The following DGKB variants were observed in gnomAD, a reference collection of about 807,000 sequenced individuals.
DGKB encodes diacylglycerol kinase beta.
DGKB carries 67 observed loss-of-function variants against 114.3 expected under a neutral mutation model. The ratio of observed to expected loss-of-function variants is 0.59; its 90% CI spans 0.48 to 0.72. The LOEUF (loss-of-function observed/expected upper bound fraction) is 0.72, where lower values mean the gene tolerates loss of function less well. Among genes scored for constraint, DGKB ranks in the 30% least tolerant of loss-of-function variants. The pLI, the probability that DGKB is intolerant of heterozygous loss-of-function variation, is 0.00. For synonymous variants in DGKB, 398 were observed against 323.1 expected (o/e 1.23, Z -2.49); for missense variants, 907 against 975.2 (o/e 0.93, Z 0.93).
chr7:14,802,564 G>C (rs1297973706), intron 2 of DGKB, among the ~76,000 whole-genome samples: 1 of 152,030 alleles, frequency 6.6e-6, no homozygotes, highest in Non-Finnish European at 1.5e-5. Flanking sequence ...ATAAACCAAT[G>C]CTGAATTGAA....
rs563411686 is a variant in DGKB, at chr7:14,445,136, T to C, written c.1835+33025A>G. Among the ~76,000 whole-genome samples, 57 of 152,000 alleles carry C rather than the reference T, an allele frequency of 3.8e-4. 1 individual carries two copies. Among genetic ancestry groups the C allele is most frequent in the Non-Finnish European group, 7.2e-4 (49 of 67,812 alleles). On this transcript the variant is annotated intron_variant, in intron 21 of 25. Coordinates refer to ENST00000402815, the MANE Select transcript of DGKB (RefSeq NM_001350709.2). ...GAAAATAGTTGTAAAGACTTTCATC[T>C]TTTCTCTCTCTTGTTCCTTTATTCT...
At chr7:14,199,709 A>C (rs934866959) in intron 23 of DGKB, among the ~76,000 whole-genome samples, 4 of 152,090 alleles carry the variant, frequency 2.6e-5, no homozygotes, top group Non-Finnish European at 4.4e-5. Context: ...GTGGCAGTGC[A>C]CTATAATGAA....
rs769987966 is a variant in DGKB, at chr7:14,736,053, G to C, written c.310C>G (p.Leu104Val). 6.3e-6 allele frequency: 10 copies of C among 1,598,522 alleles called. No individual in the cohort carries two copies. The Admixed American group carries it at 6.9e-5, about 11-fold the overall frequency. ...TAAGTAAACTTACCGCCTGATAGGA[G>C]AGCAGGCTTACTTTTTACCATTGGA... ...SSPMVKSKPA[L>V]LSGGLRMNKG... The change falls in exon 5 of 26, where the codon CTC (leucine) becomes GTC (valine). Residue 104 changes from leucine (L) to valine (V), a missense_variant. Coordinates refer to ENST00000402815, the MANE Select transcript of DGKB (RefSeq NM_001350709.2).
At chr7:14,680,747 A>G (rs1820683059) in intron 12 of DGKB, among the ~76,000 whole-genome samples, 1 of 151,966 alleles carries the variant, frequency 6.6e-6, no homozygotes, top group African/African-American at 2.4e-5. Flanking sequence ...ATGGAGATTA[A>G]ATAGAGAAAG....
intron 1 of DGKB, among the ~76,000 whole-genome samples, chr7:14,938,092 G>C (rs1443383366): frequency 6.6e-6 from 1 of 152,136 alleles, no homozygotes. Context: ...AATTGTATAT[G>C]AATATGTGCA....
At chr7:14,649,541 A>G (rs1468000795) in intron 13 of DGKB, among the ~76,000 whole-genome samples, 1 of 152,176 alleles carries the variant, frequency 6.6e-6, no homozygotes, top group Non-Finnish European at 1.5e-5. Context: ...CTGCAAAATC[A>G]TGACAAAATG....
At chr7:14,370,211 C>A (rs772917796) in intron 21 of DGKB, among the ~76,000 whole-genome samples, 4 of 152,190 alleles carry the variant, frequency 2.6e-5, no homozygotes, top group Non-Finnish European at 5.9e-5. Context: ...GGAATCCTTT[C>A]CCCATTCCTT....
intron 20 of DGKB, among the ~76,000 whole-genome samples, chr7:14,556,155 T>C (rs552611869): frequency 6.6e-6 from 1 of 152,324 alleles, no homozygotes; most frequent in South Asian, 2.1e-4. Context: ...CAAGCCTTAT[T>C]TTATAACTTT....
rs375675337 is a variant in DGKB at position 14,866,603 on chromosome 7, G to T, written c.-187-25153C>A. 4.6e-5 allele frequency among the ~76,000 whole-genome samples: 7 copies of T among 152,114 alleles called. No individual in the cohort carries two copies. The East Asian group carries it at 9.7e-4, about 21-fold the overall frequency. On this transcript the variant is annotated intron_variant, in intron 1 of 25. Coordinates refer to ENST00000402815, the MANE Select transcript of DGKB (RefSeq NM_001350709.2). ...GCACTGAATAATATTCCATTGTCTG[G>T]ATATATCATCATTTATTTATCTAGT... is the stretch of plus-strand genomic sequence containing the variant.
intron 21 of DGKB, among the ~76,000 whole-genome samples, chr7:14,427,565 C>T (rs1377524837): frequency 2.0e-5 from 3 of 152,098 alleles, no homozygotes; most frequent in African/African-American, 4.8e-5. Context: ...CTGATAGAGA[C>T]ATATCTGAGA....
At chr7:14,787,175 T>C (rs1261762320) in intron 2 of DGKB, among the ~76,000 whole-genome samples, 1 of 152,142 alleles carries the variant, frequency 6.6e-6, no homozygotes, top group African/African-American at 2.4e-5. Flanking sequence ...GGCCAAGAAC[T>C]CAGGACCAGC....
chr7:14,840,480 A>T (rs1056218504), intron 2 of DGKB, among the ~76,000 whole-genome samples: 1 of 152,200 alleles, frequency 6.6e-6, no homozygotes, highest in Admixed American at 6.5e-5. Flanking sequence ...ATAAAAACAA[A>T]TTTCTTATAA....
chr7:14,283,453 G>A (rs1282129585), intron 23 of DGKB, among the ~76,000 whole-genome samples: 2 of 151,028 alleles, frequency 1.3e-5, no homozygotes, highest in African/African-American at 4.9e-5. Context: ...GTAATTTACA[G>A]ATTCAATGCC....
At chr7:14,848,698 G>A (rs1045233309) in intron 1 of DGKB, among the ~76,000 whole-genome samples, 7 of 152,110 alleles carry the variant, frequency 4.6e-5, no homozygotes, top group African/African-American at 1.7e-4. Flanking sequence ...GTCAACTTAG[G>A]TTTTGAACTG....
intron 23 of DGKB, among the ~76,000 whole-genome samples, chr7:14,321,272 C>T (rs1468495975): frequency 6.6e-6 from 1 of 152,040 alleles, no homozygotes; most frequent in Non-Finnish European, 1.5e-5. Flanking sequence ...GCCTGGGCAA[C>T]AGAGTGATAC....
intron 18 of DGKB, 63 bp downstream of exon 18, chr7:14,582,989 G>C: frequency 5.7e-6 from 6 of 1,047,622 alleles, no homozygotes; most frequent in Non-Finnish European, 8.9e-6. Context: ...TAGACACATA[G>C]ATGAAACAGG....
chr7:14,754,481 G>A (rs1476441442), intron 3 of DGKB, among the ~76,000 whole-genome samples: 1 of 152,020 alleles, frequency 6.6e-6, no homozygotes, highest in East Asian at 1.9e-4. Context: ...TACTCTTAAA[G>A]ATTAAAATAT....
chr7:14,618,744 G>T (rs1321927681), intron 15 of DGKB, among the ~76,000 whole-genome samples: 1 of 151,400 alleles, frequency 6.6e-6, no homozygotes, highest in African/African-American at 2.4e-5. Context: ...TAATAATCCT[G>T]ATCATTATGC....
At chr7:14,168,992 T>G (rs1311875339) in intron 25 of DGKB, among the ~76,000 whole-genome samples, 1 of 152,174 alleles carries the variant, frequency 6.6e-6, no homozygotes, top group Non-Finnish European at 1.5e-5. Flanking sequence ...AATAATTAAT[T>G]CAGGCAATCT....
Sources: allele counts gnomAD v4.1 joint callset (sites outside exome capture counted in the v4.1 genomes callset), GRCh38; gene constraint gnomAD v4.1.1; transcripts MANE v1.5; gene names NCBI Gene and HGNC (gene_info 2026-07-23, HGNC 2026-07-21).